SNTG1: variants seen among roughly 807,000 people sequenced by gnomAD.
SNTG1 encodes gamma-1-syntrophin.
Under a neutral mutation model 74.7 loss-of-function variants are expected in SNTG1, and 39 were observed. That is an observed-to-expected ratio of 0.52 (90% CI 0.40 to 0.68). SNTG1 has a LOEUF of 0.68. Ranked by LOEUF, SNTG1 falls within the 30% of genes least tolerant of loss-of-function variation. The pLI, the probability that SNTG1 is intolerant of heterozygous loss-of-function variation, is 0.00. For synonymous variants in SNTG1, 254 were observed against 217.1 expected (o/e 1.17, Z -1.49); for missense variants, 685 against 609.5 (o/e 1.12, Z -1.30).
At chr8:50,590,825 C>G in intron 12 of SNTG1, 54 bp from the exon 13 acceptor site, 1 of 1,208,280 alleles carries the variant, frequency 8.3e-7, no homozygotes, top group Non-Finnish European at 1.2e-6. Context: ...TTCTGGGGAC[C>G]TTGTGTTACC....
intron 1 of SNTG1, among the ~76,000 whole-genome samples, chr8:50,096,833 A>G (rs143115223): frequency 4.5e-4 from 69 of 152,330 alleles, no homozygotes; most frequent in African/African-American, 1.5e-3. Flanking sequence ...GTAGTCATTC[A>G]GGATATAAGT....
intron 1 of SNTG1, among the ~76,000 whole-genome samples, chr8:49,995,437 T>C (rs941923111): frequency 6.6e-6 from 1 of 152,128 alleles, no homozygotes. Flanking sequence ...GGAGAGAGTA[T>C]TGACATAGAA....
intron 2 of SNTG1, among the ~76,000 whole-genome samples, chr8:50,232,248 C>T (rs1416792657): frequency 1.3e-5 from 2 of 151,274 alleles, no homozygotes; most frequent in South Asian, 4.1e-4. Context: ...AGGAAATATA[C>T]ACTGTGACCA....
chr8:50,049,971 A>G (rs1295569003), intron 1 of SNTG1, among the ~76,000 whole-genome samples: 2 of 152,060 alleles, frequency 1.3e-5, no homozygotes, highest in Non-Finnish European at 1.5e-5. Flanking sequence ...TGTTTAGAGG[A>G]AAATTTATAG....
At chr8:50,553,878 A>G (rs2094441041) in intron 12 of SNTG1, among the ~76,000 whole-genome samples, 2 of 152,144 alleles carry the variant, frequency 1.3e-5, no homozygotes, top group Admixed American at 6.6e-5. Context: ...ATTAATGATA[A>G]TTATTTTAGA....
chr8:49,928,434 T>G (rs1007238199), intron 1 of SNTG1, among the ~76,000 whole-genome samples: 1 of 151,946 alleles, frequency 6.6e-6, no homozygotes, highest in Non-Finnish European at 1.5e-5. Context: ...TTTTGCCATA[T>G]TGGCCAGGCT....
intron 18 of SNTG1, among the ~76,000 whole-genome samples, chr8:50,755,283 G>T (rs995637465): frequency 1.3e-5 from 2 of 148,958 alleles, no homozygotes; most frequent in African/African-American, 5.0e-5. Flanking sequence ...CCCACCCCAA[G>T]AAACCACTCA....
intron 1 of SNTG1, among the ~76,000 whole-genome samples, chr8:50,135,448 A>G (rs992210349): frequency 9.9e-5 from 15 of 152,110 alleles, no homozygotes; most frequent in Admixed American, 3.9e-4. Flanking sequence ...TATTATTTCT[A>G]TTTGTGTGTT....
intron 9 of SNTG1, among the ~76,000 whole-genome samples, chr8:50,509,208 T>G (rs540538373): frequency 6.0e-4 from 91 of 152,294 alleles, no homozygotes; most frequent in African/African-American, 2.0e-3. Context: ...TTTTGTCAGG[T>G]TTGTCAAAGA....
At chr8:50,250,461 G>A (rs1023059023) in intron 2 of SNTG1, among the ~76,000 whole-genome samples, 2 of 152,036 alleles carry the variant, frequency 1.3e-5, no homozygotes, top group African/African-American at 4.8e-5. Context: ...TGTCTAAGAA[G>A]CTCAAAAGTT....
intron 13 of SNTG1, among the ~76,000 whole-genome samples, chr8:50,642,952 A>G (rs1394538421): frequency 6.6e-6 from 1 of 152,098 alleles, no homozygotes; most frequent in Non-Finnish European, 1.5e-5. Context: ...TTTGGAGAGA[A>G]TGGGAGATGG....
intron 1 of SNTG1, among the ~76,000 whole-genome samples, chr8:49,973,123 A>G (rs1811857980): frequency 6.6e-6 from 1 of 152,226 alleles, no homozygotes; most frequent in African/African-American, 2.4e-5. Flanking sequence ...CCAAATGTCC[A>G]ACAATGATAG....
intron 8 of SNTG1, among the ~76,000 whole-genome samples, chr8:50,460,403 G>C (rs948447875): frequency 2.0e-5 from 3 of 152,112 alleles, no homozygotes; most frequent in Non-Finnish European, 2.9e-5. Flanking sequence ...TGGATGCATA[G>C]TTTGTGAATA....
At chr8:50,444,492 TTGTAA>T (rs1300534066) in intron 5 of SNTG1, among the ~76,000 whole-genome samples, 1 of 152,116 alleles carries the variant, frequency 6.6e-6, no homozygotes, top group Non-Finnish European at 1.5e-5. Flanking sequence ...GGGCTCACAC[TTGTAA>T]TCCCAACATT....
At chr8:49,926,770 C>T (rs568064465) in intron 1 of SNTG1, among the ~76,000 whole-genome samples, 37 of 152,150 alleles carry the variant, frequency 2.4e-4, no homozygotes, top group African/African-American at 8.4e-4. Flanking sequence ...AATATCTCCT[C>T]TGTGAAAGGC....
chr8:49,945,206 T>C (rs318878), intron 1 of SNTG1, among the ~76,000 whole-genome samples: 11,151 of 152,192 alleles, frequency 0.073, 1,301 homozygotes, highest in African/African-American at 0.25. Flanking sequence ...GGATTTACAT[T>C]GTTCAAAACA....
At chr8:50,136,204 T>C (rs1187375986) in intron 1 of SNTG1, among the ~76,000 whole-genome samples, 1 of 152,212 alleles carries the variant, frequency 6.6e-6, no homozygotes, top group African/African-American at 2.4e-5. Flanking sequence ...TAAATAGTAC[T>C]GCGATGAACT....
chr8:50,206,947 G>T (rs191216815), intron 2 of SNTG1, among the ~76,000 whole-genome samples: 3 of 152,138 alleles, frequency 2.0e-5, no homozygotes, highest in African/African-American at 7.2e-5. Context: ...CCTTTTTGAC[G>T]TGCTGCTGGT....
chr8:50,334,708 A>T (rs1002699215), intron 2 of SNTG1, among the ~76,000 whole-genome samples: 1 of 152,180 alleles, frequency 6.6e-6, no homozygotes, highest in African/African-American at 2.4e-5. Context: ...AACCTCTTTC[A>T]ATCAAATTTC....
Sources: allele counts gnomAD v4.1 joint callset (sites outside exome capture counted in the v4.1 genomes callset), GRCh38; gene constraint gnomAD v4.1.1; transcripts MANE v1.5; gene names NCBI Gene and HGNC (gene_info 2026-07-23, HGNC 2026-07-21).